The following EGFLAM variants were observed in gnomAD, a reference collection of about 807,000 sequenced individuals.
EGFLAM encodes the protein pikachurin.
In EGFLAM, 79 loss-of-function variants were observed where a neutral mutation model predicts 113.1. That is an observed-to-expected ratio of 0.70 (90% CI 0.58 to 0.84). EGFLAM has a LOEUF of 0.84. Among genes scored for constraint, EGFLAM ranks in the 40% least tolerant of loss-of-function variants. The pLI is 0.00. For missense variants in EGFLAM, 1,265 were observed against 1,291.6 expected (o/e 0.98, Z 0.32); for synonymous variants, 504 against 487.6 (o/e 1.03, Z -0.44).
At chr5:38,425,553 T>G (rs946354275) in intron 13 of EGFLAM, among the ~76,000 whole-genome samples, 8 of 152,136 alleles carry the variant, frequency 5.3e-5, no homozygotes, top group African/African-American at 1.9e-4. Context: ...TGGGGGAAAC[T>G]TTTTAAACAA....
In EGFLAM at chr5:38,451,312, C is replaced by T; in HGVS notation, c.2544-3C>T. The T allele has an allele frequency of 1.2e-6, 2 of 1,611,180 alleles. No homozygotes were observed. Among genetic ancestry groups the T allele is most frequent in the Non-Finnish European group, 8.5e-7 (1 of 1,178,332 alleles). ...GGTGGACTTATTTGTGTATTTCCTC[C>T]AGGGTGTCAGGATCAAGATCAAATG... On this transcript the variant is annotated splice_region_variant and splice_polypyrimidine_tract_variant and intron_variant, in intron 18 of 21. Transcript: ENST00000322350.
At chr5:38,376,968 C>T (rs1171351526) in intron 6 of EGFLAM, among the ~76,000 whole-genome samples, 1 of 152,130 alleles carries the variant, frequency 6.6e-6, no homozygotes, top group African/African-American at 2.4e-5. Flanking sequence ...CTGTGCTCGA[C>T]CCCAGGCTTC....
At chr5:38,287,170 A>G (rs1758185758) in intron 1 of EGFLAM, among the ~76,000 whole-genome samples, 5 of 152,218 alleles carry the variant, frequency 3.3e-5, no homozygotes, top group Admixed American at 3.3e-4. Flanking sequence ...GTACTTTACA[A>G]TCCTACCTCC....
chr5:38,363,573 G>A (rs1281087385), intron 5 of EGFLAM, among the ~76,000 whole-genome samples: 1 of 152,100 alleles, frequency 6.6e-6, no homozygotes, highest in Non-Finnish European at 1.5e-5. Context: ...TACCAGTTAT[G>A]TTTATCACTA....
intron 1 of EGFLAM, among the ~76,000 whole-genome samples, chr5:38,318,143 G>C (rs1365160423): frequency 6.6e-6 from 1 of 152,048 alleles, no homozygotes; most frequent in Non-Finnish European, 1.5e-5. Flanking sequence ...AGAGTCTCCT[G>C]CTGGGATTGT....
intron 6 of EGFLAM, 25 bp from the exon 7 acceptor site, chr5:38,406,101 G>C: frequency 6.3e-7 from 1 of 1,584,648 alleles, no homozygotes; most frequent in African/African-American, 1.3e-5. Flanking sequence ...TGCTGATGAA[G>C]GGTGTGCTGC....
chr5:38,352,302 T>C lies in EGFLAM; in HGVS notation c.516T>C (p.Pro172=), dbSNP rs367706487. ...CTGGAGCGAGTGAAGGAAGCGCCCC[T>C]ATTCAGTACTATTCTGTGGAATTCA... ...WKPGASEGSA[P]IQYYSVEFIR... Residue 172 remains proline (P), a synonymous_variant, in exon 5 of 22, where the codon CCT becomes CCC. Coordinates refer to ENST00000322350, the MANE Select transcript of EGFLAM (RefSeq NM_152403.4). 4 of 1,613,960 alleles carry C rather than the reference T, an allele frequency of 2.5e-6. No homozygotes were observed. The African/African-American group carries it at 5.3e-5, about 22-fold the overall frequency.
chr5:38,402,923 A>G (rs939543750), intron 6 of EGFLAM, among the ~76,000 whole-genome samples: 5 of 152,198 alleles, frequency 3.3e-5, no homozygotes, highest in African/African-American at 1.2e-4. Flanking sequence ...AGATGAAGAG[A>G]ATCTTAACCT....
rs182712141 is a variant in EGFLAM at position 38,337,525 on chromosome 5, G to T, written c.103G>T (p.Val35Leu). Residue 35 changes from valine (V) to leucine (L), a missense_variant, in exon 2 of 22, where the codon GTA (valine) becomes TTA (leucine). Physicochemically the swap from Val to Leu is conservative, Grantham distance 32. Coordinates refer to ENST00000322350, the MANE Select transcript of EGFLAM (RefSeq NM_152403.4). ...LRAAIRKPGKVGPPLDIKLGA... is the reference protein window; with the variant it reads ...LRAAIRKPGKLGPPLDIKLGA... The stretch of plus-strand genomic sequence containing the variant: ...TCTCTTTTGTTTGGGGGCAGGCAAG[G>T]TAGGGCCTCCTCTTGACATCAAGCT... 3.8e-6 allele frequency: 6 copies of T among 1,596,910 alleles called. No individual in the cohort carries two copies. Among genetic ancestry groups the T allele is most frequent in the Middle Eastern group, 3.3e-4 (2 of 5,976 alleles).
intron 12 of EGFLAM, among the ~76,000 whole-genome samples, chr5:38,419,106 T>G (rs1741748923): frequency 6.6e-6 from 1 of 152,178 alleles, no homozygotes; most frequent in Non-Finnish European, 1.5e-5. Context: ...TTCCTCCATG[T>G]GTGCACACCC....
At chr5:38,263,184 G>A (rs1011581619) in intron 1 of EGFLAM, among the ~76,000 whole-genome samples, 1 of 152,160 alleles carries the variant, frequency 6.6e-6, no homozygotes, top group African/African-American at 2.4e-5. Flanking sequence ...GATGTTTGCC[G>A]GGCATGGTGG....
At chr5:38,318,780 A>G (rs1248716184) in intron 1 of EGFLAM, among the ~76,000 whole-genome samples, 1 of 152,106 alleles carries the variant, frequency 6.6e-6, no homozygotes, top group Non-Finnish European at 1.5e-5. Context: ...TCAGGATTAC[A>G]GGCATGAGCC....
chr5:38,300,824 A>G lies in EGFLAM; in HGVS notation c.98-36696A>G, dbSNP rs1758558424. ...GTAGCAAGCAGCAGAGGTGGTGAGA[A>G]GTGATTAAATTGGGGCAATACTTTG... On this transcript the variant is annotated intron_variant, in intron 1 of 21. Transcript: ENST00000322350. 2.0e-5 allele frequency among the ~76,000 whole-genome samples: 3 copies of G among 152,210 alleles called. No individual in the cohort carries two copies. In the South Asian group the frequency reaches 6.2e-4, roughly 32 times the overall value.
At chr5:38,301,228 G>A (rs1031168387) in intron 1 of EGFLAM, among the ~76,000 whole-genome samples, 4 of 152,134 alleles carry the variant, frequency 2.6e-5, no homozygotes, top group Admixed American at 6.5e-5. Flanking sequence ...TTCTCAGGGG[G>A]AATGAAGTAA....
At chr5:38,410,124 G>A (rs2112138214) in intron 10 of EGFLAM, among the ~76,000 whole-genome samples, 1 of 152,324 alleles carries the variant, frequency 6.6e-6, no homozygotes, top group Middle Eastern at 3.4e-3. Context: ...GTCTGACCCA[G>A]AGCAAGTACT....
At chr5:38,461,563 G>A (rs557410397) in intron 20 of EGFLAM, among the ~76,000 whole-genome samples, 2 of 151,982 alleles carry the variant, frequency 1.3e-5, no homozygotes, top group Admixed American at 6.5e-5. Flanking sequence ...TGCGGGTTCT[G>A]CCTGTCACAG....
intron 19 of EGFLAM, among the ~76,000 whole-genome samples, chr5:38,455,815 T>C (rs1202894249): frequency 1.3e-5 from 2 of 152,182 alleles, no homozygotes; most frequent in East Asian, 3.9e-4. Flanking sequence ...GTTGTCGGGC[T>C]GCAGAACAGA....
chr5:38,438,551 A>G, intron 17 of EGFLAM, 96 bp downstream of exon 17: 1 of 1,251,700 alleles, frequency 8.0e-7, no homozygotes, highest in African/African-American at 1.5e-5. Flanking sequence ...GAGTTGTAAC[A>G]GTGGTACAAC....
chr5:38,385,291 G>A (rs192863323), intron 6 of EGFLAM, among the ~76,000 whole-genome samples: 13 of 42,032 alleles, frequency 3.1e-4, no homozygotes, highest in East Asian at 1.7e-3. Context: ...CCCCCCCCCC[G>A]CCCCCGCCAC....
Sources: gnomAD v4.1 joint callset for allele counts (sites outside exome capture counted in the v4.1 genomes callset) on GRCh38, gnomAD v4.1.1 for gene constraint, MANE v1.5 for transcripts, NCBI Gene and HGNC (gene_info 2026-07-23, HGNC 2026-07-21) for gene names.